STRADB: variants seen among roughly 807,000 people sequenced by gnomAD.
STRADB encodes STE20-related kinase adapter protein beta.
A neutral mutation model predicts 52.1 loss-of-function variants in STRADB; 34 were observed. The ratio of observed to expected loss-of-function variants is 0.65; its 90% CI spans 0.50 to 0.87. The LOEUF is 0.87. Among genes scored for constraint, STRADB ranks in the 40% least tolerant of loss-of-function variants. The pLI is 0.00. For synonymous variants in STRADB, 133 were observed against 174.5 expected (o/e 0.76, Z 1.87); for missense variants, 340 against 483.9 (o/e 0.70, Z 2.79).
intron 3 of STRADB, among the ~76,000 whole-genome samples, chr2:201,460,260 A>G (rs1952193189): frequency 1.3e-5 from 2 of 152,298 alleles, no homozygotes; most frequent in East Asian, 1.9e-4. Context: ...TTTGGAGTAC[A>G]TAGAAGATGT....
At chr2:201,467,396 C>A (rs1952320654) in intron 3 of STRADB, among the ~76,000 whole-genome samples, 1 of 152,162 alleles carries the variant, frequency 6.6e-6, no homozygotes, top group African/African-American at 2.4e-5. Flanking sequence ...TGTAGCTCAA[C>A]TACTGTCAAT....
rs539466904 is a variant in STRADB, at chr2:201,454,655, T to G, written c.-95-91T>G. 4.2e-4 allele frequency: 187 copies of G among 448,954 alleles called. 2 individuals are homozygous for G. Among genetic ancestry groups the G allele is most frequent in the Non-Finnish European group, 2.5e-4 (63 of 253,094 alleles). The allele number at this position is 448,954 out of a possible 1,614,324, so 27.8% of individuals were successfully genotyped here. ...TGCCTAAATATTGGGTATCAGGGAATAGCTGCCTAAATATTGGATGGGTTT... is the reference window on the plus strand; with the variant it reads ...TGCCTAAATATTGGGTATCAGGGAAGAGCTGCCTAAATATTGGATGGGTTT... On this transcript the variant is annotated intron_variant, in intron 1 of 11. Coordinates refer to ENST00000194530, the MANE Select transcript of STRADB (RefSeq NM_018571.6).
chr2:201,458,819 A>T lies in STRADB; in HGVS notation c.48A>T (p.Ser16=). 6.2e-7 allele frequency: 1 copy of T among 1,614,016 alleles called. No homozygotes were observed. The highest frequency in any genetic ancestry group is 8.5e-7 in the Non-Finnish European group (1 of 1,179,948). The change falls in exon 3 of 12, where the codon TCA becomes TCT. Residue 16 remains serine, a synonymous_variant. Transcript: ENST00000194530. ...CFCTSRTQVE[S]LRPEKQSETS... The stretch of plus-strand genomic sequence containing the variant: ...GCACTTCAAGAACACAAGTTGAATC[A>T]CTCAGACCTGAAAAACAGTCTGAAA...
At chr2:201,476,316 T>C (rs1952470756) in intron 7 of STRADB, among the ~76,000 whole-genome samples, 1 of 152,002 alleles carries the variant, frequency 6.6e-6, no homozygotes, top group African/African-American at 2.4e-5. Context: ...TAAGCTTGCT[T>C]TCCTATTGTT....
chr2:201,466,572 C>CTTTATAGATAGAATTAAAT (rs1952308120), intron 3 of STRADB, among the ~76,000 whole-genome samples: 1 of 152,134 alleles, frequency 6.6e-6, no homozygotes, highest in African/African-American at 2.4e-5. Flanking sequence ...TTGGCCTGGA[C>CTTTATAGATAGAATTAAAT]TTTATAGATA....
At chr2:201,465,744 C>G (rs1175709100) in intron 3 of STRADB, among the ~76,000 whole-genome samples, 3 of 152,218 alleles carry the variant, frequency 2.0e-5, no homozygotes, top group African/African-American at 7.2e-5. Flanking sequence ...GGGCCTCAGC[C>G]TGTGGTGGCA....
intron 5 of STRADB, among the ~76,000 whole-genome samples, chr2:201,473,640 G>A (rs1262910821): frequency 6.6e-6 from 1 of 152,088 alleles, no homozygotes; most frequent in Non-Finnish European, 1.5e-5. Context: ...TCCTTCAAAT[G>A]AATATCATAT....
chr2:201,477,086 A>G (rs1178973838), intron 7 of STRADB, among the ~76,000 whole-genome samples: 1 of 105,464 alleles, frequency 9.5e-6, no homozygotes, highest in East Asian at 3.1e-4. Context: ...TTTGAGACAG[A>G]CAGAGTCTCA....
chr2:201,468,092 T>C (rs528314824), intron 3 of STRADB, among the ~76,000 whole-genome samples: 6,571 of 113,674 alleles, frequency 0.058, 176 homozygotes, highest in East Asian at 0.3. Flanking sequence ...TTTCTTTTTT[T>C]TTTTTTTTTT....
At chr2:201,466,970 C>T (rs551160217) in intron 3 of STRADB, among the ~76,000 whole-genome samples, 11 of 152,178 alleles carry the variant, frequency 7.2e-5, no homozygotes, top group Non-Finnish European at 1.3e-4. Flanking sequence ...TCTGAAAACA[C>T]TTCAGAGTGC....
intron 3 of STRADB, among the ~76,000 whole-genome samples, chr2:201,467,879 T>C (rs1952327143): frequency 6.6e-6 from 1 of 152,108 alleles, no homozygotes; most frequent in African/African-American, 2.4e-5. Flanking sequence ...AATATTGTGC[T>C]TTTATTTAAC....
intron 2 of STRADB, among the ~76,000 whole-genome samples, chr2:201,455,691 G>A (rs563920596): frequency 1.3e-5 from 2 of 151,528 alleles, no homozygotes; most frequent in Admixed American, 1.3e-4. Context: ...GTGATAGAGG[G>A]AGATCCTGTC....
chr2:201,462,112 T>C (rs1458133466), intron 3 of STRADB, among the ~76,000 whole-genome samples: 1 of 152,230 alleles, frequency 6.6e-6, no homozygotes, highest in African/African-American at 2.4e-5. Context: ...TGAGGTAATG[T>C]GATTCCTCCA....
intron 3 of STRADB, among the ~76,000 whole-genome samples, chr2:201,466,567 C>T (rs1952308067): frequency 6.6e-6 from 1 of 152,154 alleles, no homozygotes; most frequent in African/African-American, 2.4e-5. Flanking sequence ...CTCCATTGGC[C>T]TGGACTTTAT....
chr2:201,475,838 G>A (rs1322726783), intron 7 of STRADB, 96 bp downstream of exon 7: 7 of 1,337,104 alleles, frequency 5.2e-6, no homozygotes, highest in African/African-American at 3.0e-5. Context: ...TTAGAAAAAA[G>A]GGATAGGAAA....
chr2:201,477,062 T>G (rs1490510540), intron 7 of STRADB, among the ~76,000 whole-genome samples: 1 of 102,388 alleles, frequency 9.8e-6, no homozygotes, highest in African/African-American at 3.6e-5. Context: ...GTTTTTTTTT[T>G]TTTTTTTTTT....
At chr2:201,472,054 C>G (rs1040662980) in intron 4 of STRADB, among the ~76,000 whole-genome samples, 20 of 152,152 alleles carry the variant, frequency 1.3e-4, no homozygotes, top group African/African-American at 4.3e-4. Context: ...TATTAGGTGG[C>G]TGCCAGCAGA....
rs1437193447 is a variant in STRADB, at chr2:201,458,834, A to G, written c.63A>G (p.Lys21=). The G allele has an allele frequency of 6.2e-7, 1 of 1,613,960 alleles. No homozygotes were observed. The highest frequency in any genetic ancestry group is 1.1e-5 in the South Asian group (1 of 91,052). ...AAGTTGAATCACTCAGACCTGAAAA[A>G]CAGTCTGAAACCAGTATCCATCAAT... The part of the protein sequence containing the change: ...RTQVESLRPE[K]QSETSIHQYL... Residue 21 remains lysine, a synonymous_variant, in exon 3 of 12, where the codon AAA becomes AAG. Coordinates refer to ENST00000194530, the MANE Select transcript of STRADB (RefSeq NM_018571.6).
chr2:201,452,182 C>T (rs1476993217), intron 1 of STRADB, among the ~76,000 whole-genome samples: 3 of 151,970 alleles, frequency 2.0e-5, no homozygotes, highest in Non-Finnish European at 4.4e-5. Context: ...GCAGCCCGCC[C>T]AGTGGTGCCT....
Sources: allele counts gnomAD v4.1 joint callset (sites outside exome capture counted in the v4.1 genomes callset), GRCh38; gene constraint gnomAD v4.1.1; transcripts MANE v1.5; gene names NCBI Gene and HGNC (gene_info 2026-07-23, HGNC 2026-07-21).